The following UNKL variants were observed in gnomAD, a reference collection of about 807,000 sequenced individuals.
The protein encoded by UNKL is putative E3 ubiquitin-protein ligase UNKL.
In UNKL, 60 loss-of-function variants were observed where a neutral mutation model predicts 78.0. That is an observed-to-expected ratio of 0.77 (90% CI 0.63 to 0.95). UNKL has a LOEUF of 0.95. UNKL is among the 40% of genes least tolerant of loss of function. The pLI is 0.00. For synonymous variants in UNKL, 608 were observed against 474.8 expected, an observed-to-expected ratio of 1.28 and a Z score of -3.65; for missense variants, 1,159 against 1,045.7, an observed-to-expected ratio of 1.11 and a Z score of -1.49.
chr16:1,406,944 G>C (rs909114338), intron 2 of UNKL, among the ~76,000 whole-genome samples: 5 of 151,612 alleles, frequency 3.3e-5, no homozygotes, highest in African/African-American at 1.2e-4. Context: ...TAAGAGATCA[G>C]CCTGGCCAAC....
At chr16:1,377,425 G>A (rs1307093457) in intron 10 of UNKL, among the ~76,000 whole-genome samples, 1 of 152,052 alleles carries the variant, frequency 6.6e-6, no homozygotes, top group Admixed American at 6.6e-5. Flanking sequence ...TCAGGACTCT[G>A]TATCAACAGA....
At chr16:1,376,332 C>T (rs1351996219) in intron 10 of UNKL, among the ~76,000 whole-genome samples, 1 of 146,830 alleles carries the variant, frequency 6.8e-6, no homozygotes. Flanking sequence ...CACTCCTCTT[C>T]CCTCCTCCCT....
rs776362003 is a variant in UNKL, at chr16:1,364,425, G to C, written c.*1815C>G. 2.6e-5 allele frequency: 4 copies of C among 152,244 alleles called. No homozygotes were observed. Among genetic ancestry groups the C allele is most frequent in the Admixed American group, 6.5e-5 (1 of 15,284 alleles). The allele number at this position is 152,244 out of a possible 1,614,324, so 9.4% of individuals were successfully genotyped here. On this transcript the variant is annotated 3_prime_UTR_variant, in exon 15 of 15. Transcript: ENST00000389221. ...AGTCTTTGGCAAAGCCACGGTCGGGGAGAAACACGTCGGTGCCGCTTCCCA... is the reference window on the plus strand; with the variant it reads ...AGTCTTTGGCAAAGCCACGGTCGGGCAGAAACACGTCGGTGCCGCTTCCCA...
chr16:1,376,845 G>A (rs117986265), intron 10 of UNKL, among the ~76,000 whole-genome samples: 4 of 152,188 alleles, frequency 2.6e-5, no homozygotes, highest in East Asian at 3.9e-4. Context: ...TTTCAGCACC[G>A]CACAGTAATA....
chr16:1,400,799 A>G (rs2037492395), intron 4 of UNKL, among the ~76,000 whole-genome samples: 1 of 151,760 alleles, frequency 6.6e-6, no homozygotes, highest in Non-Finnish European at 1.5e-5. Context: ...GAGATTCTCC[A>G]GCCTCAGCCT....
intron 8 of UNKL, among the ~76,000 whole-genome samples, chr16:1,392,441 CT>C (rs960521658): frequency 7.0e-6 from 1 of 143,168 alleles, no homozygotes; most frequent in Non-Finnish European, 1.6e-5. Context: ...CTTCCCCCCT[CT>C]TTTTTTGTTT....
rs1486183998 is a variant in UNKL, at chr16:1,370,493, AG to A, written c.1358-137del. On this transcript the variant is annotated intron_variant, in intron 11 of 14. Transcript: ENST00000389221. ...TATGGGGGGTGGGAATATAGGGGCC[AG>A]GCCAGCCACCACCATCTATGTGTTT... 14 of 1,349,826 alleles carry A rather than the reference AG, an allele frequency of 1.0e-5. No individual in the cohort carries two copies. In the African/African-American group the frequency reaches 2.1e-4, roughly 20 times the overall value. 83.6% of individuals were successfully genotyped at this position (1,349,826 alleles called of 1,614,324 possible).
At chr16:1,401,523 G>GGGGGGGGCCCCCC in intron 4 of UNKL, 45 bp downstream of exon 4, 1 of 1,470,340 alleles carries the variant, frequency 6.8e-7, no homozygotes, top group Non-Finnish European at 9.1e-7. Flanking sequence ...CTCGCGCTGT[G>GGGGGGGGCCCCCC]CCCGCCCCCC....
At chr16:1,372,210 G>A (rs2035912205) in intron 10 of UNKL, among the ~76,000 whole-genome samples, 1 of 152,100 alleles carries the variant, frequency 6.6e-6, no homozygotes, top group African/African-American at 2.4e-5. Flanking sequence ...CTTGCAGTGA[G>A]CCGAGATCGT....
chr16:1,392,757 C>T, intron 8 of UNKL, 134 bp downstream of exon 8: 1 of 1,079,610 alleles, frequency 9.3e-7, no homozygotes, highest in Non-Finnish European at 1.4e-6. Context: ...TTTTTCTAGA[C>T]TCTTCTAGAA....
At chr16:1,411,461 G>A (rs1315063131) in intron 2 of UNKL, among the ~76,000 whole-genome samples, 2 of 152,200 alleles carry the variant, frequency 1.3e-5, no homozygotes, top group African/African-American at 4.8e-5. Flanking sequence ...GAGCCCTGGA[G>A]GTTCAAGTTG....
intron 10 of UNKL, among the ~76,000 whole-genome samples, chr16:1,384,376 GA>G (rs1468934047): frequency 1.9e-4 from 29 of 152,048 alleles, no homozygotes; most frequent in Non-Finnish European, 4.4e-5. Flanking sequence ...CGGGCTTCTG[GA>G]AGAATCTGCC....
chr16:1,394,318 A>T, intron 6 of UNKL, 103 bp from the exon 7 acceptor site: 1 of 1,364,560 alleles, frequency 7.3e-7, no homozygotes, highest in Non-Finnish European at 1.0e-6. Context: ...TCCAAATCGT[A>T]ACAAGACACC....
chr16:1,389,977 CTCATTCATTCAT>C (rs371774456), intron 9 of UNKL, among the ~76,000 whole-genome samples: 7 of 152,138 alleles, frequency 4.6e-5, no homozygotes, highest in African/African-American at 1.4e-4. Context: ...CTAAAACTAC[CTCATTCATTCAT>C]TCATTCATTC....
At position 1,392,874 on chromosome 16, in the gene UNKL, G is replaced by A; in HGVS notation, c.1023+17C>T. 6.4e-7 allele frequency: 1 copy of A among 1,550,484 alleles called. No individual in the cohort carries two copies. The highest frequency in any genetic ancestry group is 8.7e-7 in the Non-Finnish European group (1 of 1,146,926). On this transcript the variant is annotated intron_variant, in intron 8 of 14. Coordinates refer to ENST00000389221, the MANE Select transcript of UNKL (RefSeq NM_001372107.1). ...CAAAGGACACTGGGCATTGTCCTGG[G>A]AAGGCCGTTCACTTACATTTCCCGG...
intron 10 of UNKL, among the ~76,000 whole-genome samples, chr16:1,378,483 G>A (rs1016551497): frequency 4.6e-5 from 7 of 152,208 alleles, no homozygotes; most frequent in East Asian, 1.9e-4. Flanking sequence ...GAACGGAGGC[G>A]CCTTTTCTCC....
chr16:1,400,888 C>T (rs553445975), intron 4 of UNKL, among the ~76,000 whole-genome samples: 10 of 152,268 alleles, frequency 6.6e-5, no homozygotes, highest in East Asian at 1.9e-4. Flanking sequence ...ATGGTTTCAC[C>T]ATGTTGGCCA....
chr16:1,375,812 C>G (rs1296869158), intron 10 of UNKL, among the ~76,000 whole-genome samples: 3 of 152,216 alleles, frequency 2.0e-5, no homozygotes, highest in African/African-American at 7.2e-5. Context: ...CCTCTCCTTC[C>G]CATTCACAGG....
Position 1,367,761 on chromosome 16 carries a change from C to T in UNKL, c.1683G>A (p.Ser561=), listed in dbSNP as rs1444124503. The stretch of plus-strand genomic sequence containing the variant: ...GCTCAGCTCCGTTTGGACTTGCACT[C>T]GAAGAGGATGGGGGGCCGGCACTCA... ...PILSAGPPSS[S]SASPNGAELA... Residue 561 remains serine (S), a synonymous_variant, in exon 13 of 15, where the codon TCG becomes TCA. Transcript: ENST00000389221. The T allele has an allele frequency of 1.0e-5, 16 of 1,573,974 alleles. No individual in the cohort carries two copies. Among genetic ancestry groups the T allele is most frequent in the South Asian group, 3.5e-5 (3 of 85,440 alleles).
Sources: allele counts gnomAD v4.1 joint callset (sites outside exome capture counted in the v4.1 genomes callset), GRCh38; gene constraint gnomAD v4.1.1; transcripts MANE v1.5; gene names NCBI Gene and HGNC (gene_info 2026-07-23, HGNC 2026-07-21).